KCNH7: variants seen among roughly 807,000 people sequenced by gnomAD.
The protein encoded by KCNH7 is potassium voltage-gated channel subfamily H member 7.
A neutral mutation model predicts 120.8 loss-of-function variants in KCNH7; 49 were observed. That is an observed-to-expected ratio of 0.41 (90% CI 0.32 to 0.51). The LOEUF (loss-of-function observed/expected upper bound fraction) is 0.51. Ranked by LOEUF, KCNH7 falls within the 20% of genes least tolerant of loss-of-function variation. The probability of loss-of-function intolerance (pLI) is 0.38; values close to 1 mark genes in which losing one functional copy is unlikely to be tolerated. For missense variants in KCNH7, 1,097 were observed against 1,446.6 expected (o/e 0.76, Z 3.92); for synonymous variants, 547 against 516.1 (o/e 1.06, Z -0.81).
chr2:162,645,208 C>A (rs1471390704), intron 2 of KCNH7, among the ~76,000 whole-genome samples: 1 of 152,004 alleles, frequency 6.6e-6, no homozygotes, highest in Non-Finnish European at 1.5e-5. Context: ...AGTGCAGTGG[C>A]GTGATCTTGG....
intron 2 of KCNH7, among the ~76,000 whole-genome samples, chr2:162,577,343 TCCATC>T (rs1325857978): frequency 0.03 from 3,970 of 130,626 alleles, 76 homozygotes; most frequent in Non-Finnish European, 0.039. Flanking sequence ...CTATCATCTA[TCCATC>T]CTATCTATCT....
At chr2:162,626,759 A>G (rs963360751) in intron 2 of KCNH7, among the ~76,000 whole-genome samples, 2 of 152,184 alleles carry the variant, frequency 1.3e-5, no homozygotes, top group Non-Finnish European at 2.9e-5. Flanking sequence ...CATGAAAATT[A>G]ATAACTGAGC....
intron 2 of KCNH7, among the ~76,000 whole-genome samples, chr2:162,756,138 T>C (rs1688782008): frequency 6.6e-6 from 1 of 152,194 alleles, no homozygotes; most frequent in Non-Finnish European, 1.5e-5. Context: ...CTAGTTTTAT[T>C]ATTCAGTAAA....
At chr2:162,787,415 T>A (rs1683750611) in intron 2 of KCNH7, among the ~76,000 whole-genome samples, 1 of 151,986 alleles carries the variant, frequency 6.6e-6, no homozygotes, top group South Asian at 2.1e-4. Context: ...CTGGCTCCTA[T>A]AGCCCCAGGA....
intron 2 of KCNH7, among the ~76,000 whole-genome samples, chr2:162,794,293 G>T (rs1684058674): frequency 6.6e-6 from 1 of 151,722 alleles, no homozygotes; most frequent in Non-Finnish European, 1.5e-5. Context: ...AAGGGAAAGA[G>T]GGAGTTGATC....
In KCNH7 at chr2:162,395,499, A is replaced by G. The variant is rs529635800; in HGVS notation, c.2614-1014T>C. ...TCTAATATTGTCTACCTTGTAAATA[A>G]AAATGGAAGCTCTTGTTTATTTGAG... On this transcript the variant is annotated intron_variant, in intron 11 of 15. Transcript: ENST00000332142. 6.6e-5 allele frequency among the ~76,000 whole-genome samples: 10 copies of G among 151,860 alleles called. No homozygotes were observed. In the East Asian group the frequency reaches 1.9e-3, roughly 30 times the overall value.
chr2:162,619,645 T>C (rs1574178461), intron 2 of KCNH7, among the ~76,000 whole-genome samples: 2 of 152,062 alleles, frequency 1.3e-5, no homozygotes, highest in Admixed American at 1.3e-4. Context: ...AATAAGCCAA[T>C]ATATATATCT....
intron 2 of KCNH7, among the ~76,000 whole-genome samples, chr2:162,695,398 A>G (rs1686254617): frequency 6.6e-6 from 1 of 152,178 alleles, no homozygotes; most frequent in Non-Finnish European, 1.5e-5. Context: ...GCAGATTAAC[A>G]GGATAGCAAA....
chr2:162,656,177 T>C (rs1480548706), intron 2 of KCNH7, among the ~76,000 whole-genome samples: 19 of 152,228 alleles, frequency 1.2e-4, no homozygotes, highest in Admixed American at 1.2e-3. Flanking sequence ...CTGTTGTAAA[T>C]ACTGTCTTGG....
chr2:162,836,090 G>A (rs1268518705), intron 2 of KCNH7, among the ~76,000 whole-genome samples: 1 of 152,152 alleles, frequency 6.6e-6, no homozygotes, highest in Non-Finnish European at 1.5e-5. Flanking sequence ...TAAAGCTAAA[G>A]AGCCAAGAGA....
chr2:162,749,004 G>T, intron 2 of KCNH7, among the ~76,000 whole-genome samples: 1 of 122,044 alleles, frequency 8.2e-6, no homozygotes, highest in Admixed American at 9.4e-5. Flanking sequence ...CCTCTCTTTT[G>T]CACTGAAAAG....
intron 3 of KCNH7, among the ~76,000 whole-genome samples, chr2:162,523,283 C>T (rs975169222): frequency 1.3e-5 from 2 of 151,798 alleles, no homozygotes; most frequent in African/African-American, 4.8e-5. Context: ...GAATAACTAA[C>T]TCACCCTTCT....
intron 2 of KCNH7, among the ~76,000 whole-genome samples, chr2:162,801,939 T>G (rs1368387948): frequency 4.0e-5 from 6 of 151,714 alleles, no homozygotes; most frequent in Non-Finnish European, 7.4e-5. Flanking sequence ...TACTAAAATC[T>G]CAGTCTATTA....
chr2:162,587,981 T>C (rs1694073521), intron 2 of KCNH7, among the ~76,000 whole-genome samples: 1 of 152,072 alleles, frequency 6.6e-6, no homozygotes, highest in Admixed American at 6.6e-5. Context: ...GCCTTATATC[T>C]CTAATTGCTG....
intron 2 of KCNH7, among the ~76,000 whole-genome samples, chr2:162,610,182 C>T (rs1407945617): frequency 6.6e-6 from 1 of 152,104 alleles, no homozygotes; most frequent in Non-Finnish European, 1.5e-5. Context: ...GGGCATTGTT[C>T]TTAACTTTTT....
chr2:162,642,878 C>T (rs577107817), intron 2 of KCNH7, among the ~76,000 whole-genome samples: 1 of 152,278 alleles, frequency 6.6e-6, no homozygotes, highest in South Asian at 2.1e-4. Context: ...CCACAGATAT[C>T]CAACTGTATT....
intron 2 of KCNH7, among the ~76,000 whole-genome samples, chr2:162,828,446 G>T (rs1019820999): frequency 6.6e-6 from 1 of 152,004 alleles, no homozygotes; most frequent in African/African-American, 2.4e-5. Context: ...TACATGATGG[G>T]CAACAGACAT....
chr2:162,680,722 T>C (rs1326714318), intron 2 of KCNH7, among the ~76,000 whole-genome samples: 2 of 151,790 alleles, frequency 1.3e-5, no homozygotes, highest in African/African-American at 2.4e-5. Flanking sequence ...TTATTGGCTG[T>C]GCGGGTGTCA....
At chr2:162,526,647 T>G (rs1344891216) in intron 3 of KCNH7, among the ~76,000 whole-genome samples, 3 of 151,988 alleles carry the variant, frequency 2.0e-5, no homozygotes, top group Non-Finnish European at 4.4e-5. Flanking sequence ...CGGTCAGAGT[T>G]TAAGGTTATC....
Sources: allele counts gnomAD v4.1 joint callset (sites outside exome capture counted in the v4.1 genomes callset), GRCh38; gene constraint gnomAD v4.1.1; transcripts MANE v1.5; gene names NCBI Gene and HGNC (gene_info 2026-07-23, HGNC 2026-07-21).